ZNF407: variants seen among roughly 807,000 people sequenced by gnomAD.
The protein encoded by ZNF407 is zinc finger protein 407.
ZNF407 carries 17 observed loss-of-function variants against 131.2 expected under a neutral mutation model. That is an observed-to-expected ratio of 0.13 (90% confidence interval 0.09 to 0.19). The LOEUF (loss-of-function observed/expected upper bound fraction) is 0.19. ZNF407 is among the 10% of genes least tolerant of loss of function. ZNF407 has a pLI of 1.00. For missense variants in ZNF407, 2,681 were observed against 2,830.6 expected (o/e 0.95, Z 1.20); for synonymous variants, 1,156 against 1,062.0 (o/e 1.09, Z -1.72).
intron 3 of ZNF407, among the ~76,000 whole-genome samples, chr18:74,648,227 G>A (rs1217656354): frequency 6.6e-6 from 1 of 152,294 alleles, no homozygotes; most frequent in East Asian, 1.9e-4. Flanking sequence ...GCAGCAAGTG[G>A]AAGTTAGGCA....
chr18:74,622,061 C>T (rs987967362), intron 1 of ZNF407, among the ~76,000 whole-genome samples: 9 of 152,164 alleles, frequency 5.9e-5, no homozygotes, highest in African/African-American at 2.2e-4. Context: ...TAAACCTTTT[C>T]ATGGAAGAGT....
chr18:74,877,493 G>A, intron 5 of ZNF407, 130 bp downstream of exon 5: 1 of 900,326 alleles, frequency 1.1e-6, no homozygotes, highest in Non-Finnish European at 1.7e-6. Flanking sequence ...TAAGATTGTG[G>A]TAATTATGTA....
intron 3 of ZNF407, among the ~76,000 whole-genome samples, chr18:74,641,941 G>A (rs2144690641): frequency 6.6e-6 from 1 of 152,088 alleles, no homozygotes; most frequent in East Asian, 1.9e-4. Flanking sequence ...TGTGAAACCT[G>A]AGAAACTTGC....
At chr18:74,623,047 TGA>T (rs34964228) in intron 1 of ZNF407, among the ~76,000 whole-genome samples, 78,587 of 151,178 alleles carry the variant, frequency 0.52, 21,866 homozygotes, top group East Asian at 0.82. Context: ...TGTGTGTGAA[TGA>T]GTGCATGTGA....
intron 8 of ZNF407, among the ~76,000 whole-genome samples, chr18:74,950,051 A>G (rs1326061318): frequency 6.6e-6 from 1 of 152,136 alleles, no homozygotes; most frequent in South Asian, 2.1e-4. Flanking sequence ...CCAAATGGGA[A>G]ATGGGTGGTG....
intron 8 of ZNF407, chr18:75,062,877 C>G (rs1031650070): frequency 2.6e-5 from 8 of 311,620 alleles, no homozygotes; most frequent in African/African-American, 1.7e-4. Flanking sequence ...AGGCGCACAC[C>G]CCTGCAAAGA....
intron 7 of ZNF407, among the ~76,000 whole-genome samples, chr18:74,918,167 C>T (rs1376259465): frequency 2.0e-5 from 3 of 152,186 alleles, no homozygotes; most frequent in Non-Finnish European, 4.4e-5. Flanking sequence ...AGGATAATTA[C>T]ACATTTAAGA....
At chr18:74,776,939 A>T (rs768427521) in intron 3 of ZNF407, among the ~76,000 whole-genome samples, 2 of 152,180 alleles carry the variant, frequency 1.3e-5, no homozygotes, top group Non-Finnish European at 2.9e-5. Context: ...TGATCGTCGC[A>T]TTAAGTGGGC....
At chr18:74,637,287 G>A (rs975225393) in intron 2 of ZNF407, among the ~76,000 whole-genome samples, 1 of 152,184 alleles carries the variant, frequency 6.6e-6, no homozygotes, top group African/African-American at 2.4e-5. Context: ...ATGCAAAATA[G>A]GTTTGCACTG....
intron 3 of ZNF407, among the ~76,000 whole-genome samples, chr18:74,666,116 C>G (rs1985919527): frequency 6.6e-6 from 1 of 152,140 alleles, no homozygotes; most frequent in Non-Finnish European, 1.5e-5. Context: ...GAGCCTCAGC[C>G]TGACTGCTGT....
intron 3 of ZNF407, among the ~76,000 whole-genome samples, chr18:74,659,775 T>C (rs906146691): frequency 2.0e-5 from 3 of 152,158 alleles, no homozygotes; most frequent in Admixed American, 2.0e-4. Flanking sequence ...TGAAAGTGTG[T>C]CAGTATTAAT....
intron 8 of ZNF407, among the ~76,000 whole-genome samples, chr18:75,006,388 T>C (rs569277701): frequency 6.6e-6 from 1 of 152,344 alleles, no homozygotes; most frequent in East Asian, 1.9e-4. Context: ...TCTTTTCTTA[T>C]ATAGGCATTA....
intron 8 of ZNF407, among the ~76,000 whole-genome samples, chr18:74,923,187 AGTT>A (rs1403188004): frequency 6.6e-6 from 1 of 151,884 alleles, no homozygotes; most frequent in Non-Finnish European, 1.5e-5. Context: ...TTCTAATTTT[AGTT>A]GTTGTCAGAT....
At chr18:74,734,105 G>A (rs905925427) in intron 3 of ZNF407, among the ~76,000 whole-genome samples, 4 of 152,118 alleles carry the variant, frequency 2.6e-5, no homozygotes, top group African/African-American at 9.7e-5. Context: ...GTTTGGCTCT[G>A]TGTCAGTGTT....
intron 4 of ZNF407, among the ~76,000 whole-genome samples, chr18:74,854,805 GA>G (rs1970836474): frequency 6.6e-6 from 1 of 151,864 alleles, no homozygotes; most frequent in Admixed American, 6.6e-5. Context: ...ACATGCACCC[GA>G]ACCGCTGCCT....
chr18:74,836,024 A>AG (rs1484813043), intron 4 of ZNF407, among the ~76,000 whole-genome samples: 1 of 151,170 alleles, frequency 6.6e-6, no homozygotes, highest in Non-Finnish European at 1.5e-5. Context: ...AAAAAAAAAA[A>AG]GAGGCAGGAA....
intron 3 of ZNF407, among the ~76,000 whole-genome samples, chr18:74,753,913 A>G (rs1321591033): frequency 6.6e-6 from 1 of 152,114 alleles, no homozygotes; most frequent in Non-Finnish European, 1.5e-5. Flanking sequence ...ATTGATTGGA[A>G]TGGTTTCAGA....
At chr18:74,998,112 A>G (rs1972800910) in intron 8 of ZNF407, among the ~76,000 whole-genome samples, 1 of 152,180 alleles carries the variant, frequency 6.6e-6, no homozygotes. Context: ...CAGTCATCCA[A>G]GGAGGGCTGG....
At chr18:74,629,748 G>T (rs974656689) in intron 1 of ZNF407, among the ~76,000 whole-genome samples, 1 of 152,128 alleles carries the variant, frequency 6.6e-6, no homozygotes, top group Non-Finnish European at 1.5e-5. Context: ...ATACGTTGAT[G>T]CCTTTTTATT....
Sources: allele counts gnomAD v4.1 joint callset (sites outside exome capture counted in the v4.1 genomes callset), GRCh38; gene constraint gnomAD v4.1.1; transcripts MANE v1.5; gene names NCBI Gene and HGNC (gene_info 2026-07-23, HGNC 2026-07-21).